The following ITGA2 variants were observed in gnomAD, a reference collection of about 807,000 sequenced individuals.
The protein encoded by ITGA2 is integrin subunit alpha 2, also known as integrin alpha-2.
In ITGA2, 101 loss-of-function variants were observed where a neutral mutation model predicts 146.3. The observed-to-expected ratio is 0.69, with a 90% CI of 0.59 to 0.81. ITGA2 has a LOEUF of 0.81. Among genes scored for constraint, ITGA2 ranks in the 40% least tolerant of loss-of-function variants. ITGA2 has a pLI of 0.00. For synonymous variants in ITGA2, 477 were observed against 487.1 expected (o/e 0.98, Z 0.27); for missense variants, 1,281 against 1,402.7 (o/e 0.91, Z 1.39).
chr5:53,087,623 A>AT (rs1740169110), intron 28 of ITGA2, among the ~76,000 whole-genome samples: 1 of 128,880 alleles, frequency 7.8e-6, no homozygotes, highest in Non-Finnish European at 1.7e-5. Flanking sequence ...GGTCCCCTTG[A>AT]TAAAAAAAAA....
chr5:53,076,911 G>A (rs986978473), intron 23 of ITGA2, among the ~76,000 whole-genome samples: 1 of 151,982 alleles, frequency 6.6e-6, no homozygotes, highest in Non-Finnish European at 1.5e-5. Context: ...ATTGGAGAAA[G>A]GTAGACAGTG....
At chr5:53,066,096 G>T in intron 15 of ITGA2, 119 bp downstream of exon 15, 1 of 960,020 alleles carries the variant, frequency 1.0e-6, no homozygotes, top group South Asian at 1.3e-5. Flanking sequence ...ATAGGGAATC[G>T]ATGTATCATA....
chr5:52,993,559 G>T (rs1741077766), intron 1 of ITGA2, among the ~76,000 whole-genome samples: 1 of 152,268 alleles, frequency 6.6e-6, no homozygotes, highest in South Asian at 2.1e-4. Context: ...GCTGTGAGCG[G>T]CTGTGTCAGT....
At chr5:53,060,043 C>T in intron 11 of ITGA2, 31 bp downstream of exon 11, 1 of 1,609,212 alleles carries the variant, frequency 6.2e-7, no homozygotes, top group Non-Finnish European at 8.5e-7. Context: ...GCTCAGCAAA[C>T]TTAAGTTCCC....
intron 1 of ITGA2, among the ~76,000 whole-genome samples, chr5:53,002,382 GAC>G (rs1741625566): frequency 1.3e-5 from 2 of 151,996 alleles, no homozygotes; most frequent in South Asian, 2.1e-4. Context: ...AGAGAAAAAT[GAC>G]ACATACTAAA....
chr5:53,005,893 C>T (rs1023482252), intron 1 of ITGA2, among the ~76,000 whole-genome samples: 1 of 152,202 alleles, frequency 6.6e-6, no homozygotes, highest in African/African-American at 2.4e-5. Flanking sequence ...CTGCGATATA[C>T]TACTGGCTTT....
chr5:53,076,719 A>G (rs1745680030), intron 23 of ITGA2, among the ~76,000 whole-genome samples: 1 of 152,122 alleles, frequency 6.6e-6, no homozygotes, highest in Non-Finnish European at 1.5e-5. Context: ...AATAAATATA[A>G]GATTGAAATG....
chr5:53,075,733 T>C (rs549792199), intron 23 of ITGA2, among the ~76,000 whole-genome samples: 8 of 152,128 alleles, frequency 5.3e-5, no homozygotes, highest in South Asian at 2.1e-4. Flanking sequence ...AAGCACAATG[T>C]TTTGCACAGA....
intron 25 of ITGA2, 144 bp from the exon 26 acceptor site, chr5:53,081,448 G>A: frequency 1.4e-6 from 1 of 703,072 alleles, no homozygotes; most frequent in Non-Finnish European, 2.6e-6. Flanking sequence ...ATTATATGAA[G>A]TGTGGCCAGG....
intron 1 of ITGA2, among the ~76,000 whole-genome samples, chr5:53,021,648 C>T (rs1209109355): frequency 6.6e-6 from 1 of 152,184 alleles, no homozygotes; most frequent in East Asian, 1.9e-4. Context: ...TACTGAGGAC[C>T]AGTCCCTCAG....
chr5:53,050,109 A>G (rs1008938366), intron 6 of ITGA2, among the ~76,000 whole-genome samples: 1 of 152,168 alleles, frequency 6.6e-6, no homozygotes, highest in Non-Finnish European at 1.5e-5. Context: ...AAGTTTTCAT[A>G]TGTATCTCCT....
At chr5:53,088,337 A>G (rs1212667382) in intron 28 of ITGA2, among the ~76,000 whole-genome samples, 1 of 152,154 alleles carries the variant, frequency 6.6e-6, no homozygotes, top group Non-Finnish European at 1.5e-5. Flanking sequence ...AGCAATACTA[A>G]TAAATAACAG....
chr5:53,048,364 CAT>C lies in ITGA2; in HGVS notation c.390_391del (p.Cys131TrpfsTer20). The C allele has an allele frequency of 6.2e-7, 1 of 1,610,776 alleles. No homozygotes were observed. The highest frequency in any genetic ancestry group is 8.5e-7 in the Non-Finnish European group (1 of 1,176,984). ...GATTGTTTTCTCATTTCTTTGAAGA[CAT>C]GTGGTCCTCTGTGGGCACAGCAATG... On this transcript the variant is annotated frameshift_variant and splice_region_variant, in exon 5 of 30. Transcript: ENST00000296585. LOFTEE classifies it high-confidence loss of function.
chr5:53,043,041 C>A (rs970426691), intron 3 of ITGA2, among the ~76,000 whole-genome samples: 19 of 151,968 alleles, frequency 1.3e-4, no homozygotes, highest in African/African-American at 3.6e-4. Context: ...CATAATAGGG[C>A]TCAATAAACA....
At position 53,072,765 on chromosome 5, in the gene ITGA2, G is replaced by A. The variant is rs1168863831; in HGVS notation, c.2429+70G>A. The A allele has an allele frequency of 2.3e-5, 29 of 1,252,290 alleles. No individual in the cohort carries two copies. In the South Asian group the frequency reaches 2.8e-4, roughly 12 times the overall value. 77.6% of individuals were successfully genotyped at this position (1,252,290 alleles called of 1,614,324 possible). On this transcript the variant is annotated intron_variant, in intron 19 of 29. Coordinates refer to ENST00000296585, the MANE Select transcript of ITGA2 (RefSeq NM_002203.4). ...ACATACTAGATTACTTTATTCAAACGAATGTTTATAGAGTTTTTCTACAAA... is the reference window on the plus strand; with the variant it reads ...ACATACTAGATTACTTTATTCAAACAAATGTTTATAGAGTTTTTCTACAAA...
At chr5:53,076,238 A>G (rs1579897036) in intron 23 of ITGA2, among the ~76,000 whole-genome samples, 1 of 152,008 alleles carries the variant, frequency 6.6e-6, no homozygotes. Flanking sequence ...TGACCCCTGA[A>G]TAGCACACTG....
intron 26 of ITGA2, among the ~76,000 whole-genome samples, chr5:53,082,674 CATT>C (rs1745978450): frequency 6.6e-6 from 1 of 152,150 alleles, no homozygotes; most frequent in African/African-American, 2.4e-5. Context: ...ATTACTATAT[CATT>C]ATCAACCAAA....
At chr5:53,021,326 AGT>A (rs1742671389) in intron 1 of ITGA2, among the ~76,000 whole-genome samples, 1 of 152,194 alleles carries the variant, frequency 6.6e-6, no homozygotes, top group Non-Finnish European at 1.5e-5. Flanking sequence ...ATATGTATAA[AGT>A]GTGTTTTCTT....
chr5:52,997,426 G>A (rs997117250), intron 1 of ITGA2, among the ~76,000 whole-genome samples: 1 of 152,124 alleles, frequency 6.6e-6, no homozygotes, highest in African/African-American at 2.4e-5. Context: ...TTTTTAAACA[G>A]AGCAATGGAA....
Sources: allele counts gnomAD v4.1 joint callset (sites outside exome capture counted in the v4.1 genomes callset), GRCh38; gene constraint gnomAD v4.1.1; transcripts MANE v1.5; gene names NCBI Gene and HGNC (gene_info 2026-07-23, HGNC 2026-07-21).